Variants in OSBP2 observed in about 807,000 individuals in gnomAD.
OSBP2 encodes the protein oxysterol binding protein 2, also known as oxysterol-binding protein 2.
Under a neutral mutation model 96.0 loss-of-function variants are expected in OSBP2, and 66 were observed. That is an observed-to-expected ratio of 0.69 (90% CI 0.56 to 0.84). The LOEUF is 0.84. Among genes scored for constraint, OSBP2 ranks in the 40% least tolerant of loss-of-function variants. OSBP2 has a pLI of 0.00. For synonymous variants in OSBP2, 525 were observed against 520.9 expected, an observed-to-expected ratio of 1.01 and a Z score of -0.11; for missense variants, 1,038 against 1,222.7, an observed-to-expected ratio of 0.85 and a Z score of 2.25.
rs777447564 is a variant in OSBP2, at chr22:30,893,678, G to A, written c.2135G>A (p.Arg712Gln). Reference protein sequence around the residue: ...IEIVNHKTNDRCQLKFLPYSY... With the variant: ...IEIVNHKTNDQCQLKFLPYSY... ...ATTGTGAACCATAAGACCAATGACC[G>A]GTGCCAGCTGAAGTTCCTGCCCTAC... The change falls in exon 11 of 14, where the codon CGG becomes CAG. Residue 712 changes from arginine (R) to glutamine (Q), a missense_variant. Arg to Gln is a conservative substitution (Grantham distance 43). Transcript: ENST00000332585. The A allele has an allele frequency of 3.3e-5, 54 of 1,614,170 alleles. 1 individual carries two copies. Among genetic ancestry groups the A allele is most frequent in the South Asian group, 1.3e-4 (12 of 91,080 alleles).
rs939437267 is a variant in OSBP2 at position 30,870,901 on chromosome 22, A to G, written c.1107+219A>G. Among the ~76,000 whole-genome samples, 1 of 152,190 alleles carries G rather than the reference A, an allele frequency of 6.6e-6. No homozygotes were observed. Among genetic ancestry groups the G allele is most frequent in the Non-Finnish European group, 1.5e-5 (1 of 68,028 alleles). ...AAGGACATTCTTCCTAATTGTCTGG[A>G]GGAAACGAGTTGGTTGTGGACTCTG... On this transcript the variant is annotated intron_variant, in intron 3 of 13. Transcript: ENST00000332585. This position sits in a 1 kb window ranked among gnomAD's most constrained non-coding sequence, Gnocchi z 4.1.
At chr22:30,862,446 G>T (rs1266285509) in intron 2 of OSBP2, among the ~76,000 whole-genome samples, 2 of 152,154 alleles carry the variant, frequency 1.3e-5, no homozygotes, top group African/African-American at 4.8e-5. Context: ...TTGGGAGGGT[G>T]AGGCAGGCAG....
chr22:30,698,500 G>A (rs553494821), intron 1 of OSBP2, among the ~76,000 whole-genome samples: 23 of 150,528 alleles, frequency 1.5e-4, no homozygotes, highest in Admixed American at 3.3e-4. Context: ...GTGCAGTGGC[G>A]TGATCTCAGC....
At chr22:30,802,849 G>A (rs1474260659) in intron 2 of OSBP2, among the ~76,000 whole-genome samples, 2 of 152,228 alleles carry the variant, frequency 1.3e-5, no homozygotes, top group African/African-American at 4.8e-5. Context: ...CCCTTGCAGC[G>A]CTCAGGCTGA....
chr22:30,753,468 C>G (rs2090102973), intron 2 of OSBP2, among the ~76,000 whole-genome samples: 5 of 152,062 alleles, frequency 3.3e-5, no homozygotes, highest in African/African-American at 1.2e-4. Flanking sequence ...AGGGGAGGTT[C>G]AAGATAACTT....
In OSBP2 at chr22:30,893,126, G is replaced by A; in HGVS notation, c.1874G>A (p.Ser625Asn). ...ATCCTATGGGTCTGGTCTCAGGTGA[G>A]CCACCACCCCCCCTCAGCTGCGCAC... ...MGLRSLCEQV[S>N]HHPPSAAHYV... The change falls in exon 9 of 14, where the codon AGC becomes AAC. Residue 625 changes from serine to asparagine, a missense_variant. Coordinates refer to ENST00000332585, the MANE Select transcript of OSBP2 (RefSeq NM_030758.4). 1.2e-6 allele frequency: 2 copies of A among 1,613,898 alleles called. No individual in the cohort carries two copies. Among genetic ancestry groups the A allele is most frequent in the Admixed American group, 1.7e-5 (1 of 60,008 alleles).
intron 2 of OSBP2, among the ~76,000 whole-genome samples, chr22:30,808,421 C>CT (rs1397518956): frequency 2.6e-5 from 4 of 152,130 alleles, no homozygotes; most frequent in African/African-American, 9.7e-5. Flanking sequence ...GTGGGAGGAA[C>CT]ACTTGAGCTC....
At chr22:30,747,635 G>A (rs1238364105) in intron 2 of OSBP2, among the ~76,000 whole-genome samples, 6 of 152,092 alleles carry the variant, frequency 3.9e-5, no homozygotes, top group South Asian at 2.1e-4. Flanking sequence ...GTAAGGCCCC[G>A]TGTGATCAGG....
intron 1 of OSBP2, among the ~76,000 whole-genome samples, chr22:30,701,595 G>A (rs947515308): frequency 7.2e-5 from 11 of 151,846 alleles, no homozygotes; most frequent in South Asian, 2.1e-4. Context: ...CGCCCGCCTC[G>A]GCCTCCCAAA....
rs148961344 is a variant in OSBP2, at chr22:30,788,427, T to C, written c.853+47058T>C. Among the ~76,000 whole-genome samples, 13 of 152,290 alleles carry C rather than the reference T, an allele frequency of 8.5e-5. No homozygotes were observed. In the East Asian group the frequency reaches 2.5e-3, roughly 29 times the overall value. ...CAGCCATTTGCAACGTGGGGAGCTTTCACTCAGAGCCCTCAGTCAAACAGC... is the reference window on the plus strand; with the variant it reads ...CAGCCATTTGCAACGTGGGGAGCTTCCACTCAGAGCCCTCAGTCAAACAGC... On this transcript the variant is annotated intron_variant, in intron 2 of 13. Coordinates refer to ENST00000332585, the MANE Select transcript of OSBP2 (RefSeq NM_030758.4).
chr22:30,813,526 A>T (rs1009657855), intron 2 of OSBP2, among the ~76,000 whole-genome samples: 4 of 151,724 alleles, frequency 2.6e-5, no homozygotes, highest in Admixed American at 6.6e-5. Flanking sequence ...TTTGACTTTG[A>T]ACAAAACTCA....
intron 2 of OSBP2, among the ~76,000 whole-genome samples, chr22:30,803,748 T>C (rs1191472187): frequency 6.6e-6 from 1 of 152,176 alleles, no homozygotes; most frequent in African/African-American, 2.4e-5. Context: ...ATAAGTGAGC[T>C]GGACTCAGGC....
rs186650363 is a variant in OSBP2 at position 30,720,190 on chromosome 22, C to T, written c.645-20971C>T. 9.9e-4 allele frequency among the ~76,000 whole-genome samples: 151 copies of T among 152,280 alleles called. 1 individual carries two copies. The highest frequency in any genetic ancestry group is 4.4e-3 in the South Asian group (21 of 4,822). ...TGTTACTGTGTATTATCTGTTGCCG[C>T]ATAACAAATCACCTTGAAATTTAGC... On this transcript the variant is annotated intron_variant, in intron 1 of 13. Transcript: ENST00000332585.
In OSBP2 at chr22:30,694,984, G is replaced by A. The variant is rs182152986; in HGVS notation, c.75G>A (p.Thr25=). 3 of 1,551,006 alleles carry A rather than the reference G, an allele frequency of 1.9e-6. No individual in the cohort carries two copies. ...GRSRGLSSLF[T]VVPCLSCHTA... The stretch of plus-strand genomic sequence containing the variant: ...CCCGCGGGCTCTCGTCGCTGTTCAC[G>A]GTTGTCCCCTGCCTGTCGTGCCACA... The change falls in exon 1 of 14, where the codon ACG becomes ACA. Residue 25 remains threonine, a synonymous_variant. Coordinates refer to ENST00000332585, the MANE Select transcript of OSBP2 (RefSeq NM_030758.4).
At chr22:30,779,981 C>T (rs2090494296) in intron 2 of OSBP2, among the ~76,000 whole-genome samples, 1 of 152,200 alleles carries the variant, frequency 6.6e-6, no homozygotes, top group Non-Finnish European at 1.5e-5. Context: ...TTCCTTTCCA[C>T]ATTGTTTTTC....
At chr22:30,790,122 G>A (rs373488058) in intron 2 of OSBP2, among the ~76,000 whole-genome samples, 6 of 152,178 alleles carry the variant, frequency 3.9e-5, no homozygotes, top group African/African-American at 1.4e-4. Context: ...TTGTTGGAGT[G>A]GCCCATTGGG....
chr22:30,854,515 G>A (rs1176150254), intron 2 of OSBP2, among the ~76,000 whole-genome samples: 1 of 151,000 alleles, frequency 6.6e-6, no homozygotes, highest in Non-Finnish European at 1.5e-5. Flanking sequence ...CACCATGTTG[G>A]CCAGGGTGGC....
chr22:30,771,099 T>C (rs2090341548), intron 2 of OSBP2, among the ~76,000 whole-genome samples: 1 of 152,230 alleles, frequency 6.6e-6, no homozygotes, highest in South Asian at 2.1e-4. Context: ...TGCTGGCTCT[T>C]CCTGAGACTT....
chr22:30,730,805 TATAA>T lies in OSBP2; in HGVS notation c.645-10355_645-10352del, dbSNP rs1476180632. 5.5e-3 allele frequency among the ~76,000 whole-genome samples: 255 copies of T among 46,242 alleles called. 14 individuals are homozygous for T. The highest frequency in any genetic ancestry group is 0.016 in the African/African-American group (142 of 8,960). 30.3% of individuals were successfully genotyped at this position (46,242 alleles called of 152,430 possible). ...ATATATATATATATATATATATATA[TATAA>T]TTTTTTTTTTTTTTCCCATGGACAT... On this transcript the variant is annotated intron_variant, in intron 1 of 13. Transcript: ENST00000332585.
Sources: allele counts gnomAD v4.1 joint callset (sites outside exome capture counted in the v4.1 genomes callset), GRCh38; gene constraint gnomAD v4.1.1; non-coding constraint Gnocchi (gnomAD v3.1); transcripts MANE v1.5; gene names NCBI Gene and HGNC (gene_info 2026-07-23, HGNC 2026-07-21).